The following EPS8L1 variants were observed in gnomAD, a reference collection of about 807,000 sequenced individuals.
EPS8L1 encodes the protein epidermal growth factor receptor kinase substrate 8-like protein 1.
A neutral mutation model predicts 91.7 loss-of-function variants in EPS8L1; 101 were observed. The observed-to-expected ratio is 1.10, with a 90% CI of 0.94 to 1.30. EPS8L1 has a LOEUF of 1.30. EPS8L1 is among the 50% of genes most tolerant of loss of function. The probability of loss-of-function intolerance (pLI) is 0.00; values close to 1 mark genes in which losing one functional copy is unlikely to be tolerated. For missense variants in EPS8L1, 1,114 were observed against 1,017.0 expected, an observed-to-expected ratio of 1.10 and a Z score of -1.30; for synonymous variants, 506 against 445.3, an observed-to-expected ratio of 1.14 and a Z score of -1.72.
At chr19:55,076,119 C>G (rs561368980) in intron 1 of EPS8L1, among the ~76,000 whole-genome samples, 200 bp downstream of exon 1, 1 of 115,462 alleles carries the variant, frequency 8.7e-6, no homozygotes, top group East Asian at 2.3e-4. Context: ...ACTCCTGGGT[C>G]TGAGGGAGGA....
chr19:55,083,068 CAG>C lies in EPS8L1; in HGVS notation c.1215-300_1215-299del, dbSNP rs1028471286. Among the ~76,000 whole-genome samples the C allele has an allele frequency of 6.6e-6, 1 of 152,032 alleles. No individual in the cohort carries two copies. The highest frequency in any genetic ancestry group is 1.5e-5 in the Non-Finnish European group (1 of 68,004). The stretch of plus-strand genomic sequence containing the variant: ...GAGGCTGGATAAGGCAATTTTTTTC[CAG>C]AGAGAGAGATGGATGGGGTCTCAAT... On this transcript the variant is annotated intron_variant, in intron 12 of 19. Coordinates refer to ENST00000201647, the MANE Select transcript of EPS8L1 (RefSeq NM_133180.3). This position sits in a 1 kb window ranked among gnomAD's most constrained non-coding sequence, Gnocchi z 4.7.
intron 11 of EPS8L1, 33 bp downstream of exon 11, chr19:55,082,382 G>T: frequency 6.2e-7 from 1 of 1,612,534 alleles, no homozygotes; most frequent in Non-Finnish European, 8.5e-7. Flanking sequence ...GGGCCCCCCT[G>T]CAGCGGGAGG....
Position 55,079,888 on chromosome 19 carries a change from G to A in EPS8L1, c.279+37G>A, listed in dbSNP as rs755703244. 7.6e-6 allele frequency: 12 copies of A among 1,577,414 alleles called. No homozygotes were observed. The South Asian group carries it at 1.3e-4, about 17-fold the overall frequency. On this transcript the variant is annotated intron_variant, in intron 5 of 19. Coordinates refer to ENST00000201647, the MANE Select transcript of EPS8L1 (RefSeq NM_133180.3). ...CACGTGGGTGGGAGGAGTGTCTGGG[G>A]CAGGGACTTCAGGGGGTCTGGGTGT...
intron 14 of EPS8L1, chr19:55,084,212 G>A (rs2076333514): frequency 5.7e-6 from 1 of 174,562 alleles, no homozygotes; most frequent in Admixed American, 5.5e-5. Context: ...AAGGCTGGAC[G>A]ATTAAACTCT....
Position 55,086,420 on chromosome 19 carries a change from C to A in EPS8L1, c.1679C>A (p.Pro560Gln). 1 of 1,560,612 alleles carries A rather than the reference C, an allele frequency of 6.4e-7. No individual in the cohort carries two copies. The highest frequency in any genetic ancestry group is 1.4e-5 in the African/African-American group (1 of 73,868). Reference protein sequence around the residue: ...LNSTPPPPPAPAPAPPPALAR... With the variant: ...LNSTPPPPPAQAPAPPPALAR... ...AGCACTCCTCCTCCACCACCAGCCCCAGCCCCGGCCCCACCTCCAGCTCTG... is the reference window on the plus strand; with the variant it reads ...AGCACTCCTCCTCCACCACCAGCCCAAGCCCCGGCCCCACCTCCAGCTCTG... Residue 560 changes from proline (P) to glutamine (Q), a missense_variant, in exon 17 of 20, where the codon CCA becomes CAA. Physicochemically the swap from Pro to Gln is moderately conservative, Grantham distance 76 (BLOSUM62 -1). Coordinates refer to ENST00000201647, the MANE Select transcript of EPS8L1 (RefSeq NM_133180.3).
chr19:55,087,450 T>G lies in EPS8L1; in HGVS notation c.2085+15T>G. The stretch of plus-strand genomic sequence containing the variant: ...CGCTGCTGGAGGTGAGCCGGACCGC[T>G]GGTCCCTGGGTCTGGGTAGGGTTGG... On this transcript the variant is annotated intron_variant, in intron 19 of 19. Coordinates refer to ENST00000201647, the MANE Select transcript of EPS8L1 (RefSeq NM_133180.3). 1 of 1,614,138 alleles carries G rather than the reference T, an allele frequency of 6.2e-7. No homozygotes were observed. The highest frequency in any genetic ancestry group is 8.5e-7 in the Non-Finnish European group (1 of 1,180,000).
intron 12 of EPS8L1, among the ~76,000 whole-genome samples, chr19:55,082,885 C>A (rs1191602532): frequency 9.9e-6 from 1 of 100,930 alleles, no homozygotes; most frequent in Non-Finnish European, 2.0e-5. Flanking sequence ...GGGGCAGGGG[C>A]GGGGCTACGC....
chr19:55,085,760 C>G (rs977565754), intron 14 of EPS8L1, 81 bp from the exon 15 acceptor site: 18 of 1,525,824 alleles, frequency 1.2e-5, no homozygotes, highest in Non-Finnish European at 1.6e-5. Context: ...TGGCTCTAAC[C>G]CCAGCTCACA....
Position 55,087,781 on chromosome 19 carries a change from C to A in EPS8L1, c.*167C>A. 1 of 723,334 alleles carries A rather than the reference C, an allele frequency of 1.4e-6. No individual in the cohort carries two copies. Among genetic ancestry groups the A allele is most frequent in the Non-Finnish European group, 2.4e-6 (1 of 423,960 alleles). 44.8% of individuals were successfully genotyped at this position (723,334 alleles called of 1,614,324 possible). ...CTTAACGATCCTTGCTGCAGTCCCT[C>A]CGGAGAGGATCTGGACTGGCTGGGA... On this transcript the variant is annotated 3_prime_UTR_variant, in exon 20 of 20. Coordinates refer to ENST00000201647, the MANE Select transcript of EPS8L1 (RefSeq NM_133180.3).
chr19:55,078,192 TC>T, intron 3 of EPS8L1, 64 bp downstream of exon 3: 1 of 1,519,196 alleles, frequency 6.6e-7, no homozygotes, highest in Non-Finnish European at 9.0e-7. Context: ...GGACCTGGCA[TC>T]CAGGGTCTTG....
At chr19:55,087,096 T>C in intron 18 of EPS8L1, 1 of 1,064,062 alleles carries the variant, frequency 9.4e-7, no homozygotes, top group Non-Finnish European at 1.3e-6. Context: ...CTTAGGGAAA[T>C]CCCGTACCCT....
At chr19:55,077,932 C>CAACAAT (rs2076163436) in intron 2 of EPS8L1, among the ~76,000 whole-genome samples, 156 bp from the exon 3 acceptor site, 1 of 126,288 alleles carries the variant, frequency 7.9e-6, no homozygotes, top group Non-Finnish European at 1.8e-5. Flanking sequence ...CTCTCCTGCT[C>CAACAAT]AATAATAATA....
chr19:55,086,629 T>C, intron 17 of EPS8L1, 85 bp from the exon 18 acceptor site: 1 of 1,495,490 alleles, frequency 6.7e-7, no homozygotes, highest in Non-Finnish European at 9.0e-7. Flanking sequence ...CTGGGGACGC[T>C]GGAGCGCCCC....
intron 14 of EPS8L1, among the ~76,000 whole-genome samples, chr19:55,085,180 G>GT (rs111922657): frequency 0.024 from 3,662 of 152,292 alleles, 122 homozygotes; most frequent in African/African-American, 0.083. Flanking sequence ...GGTAGCTATT[G>GT]TTTTTTGAGA....
At chr19:55,086,636 C>CCCCCCCCCCCCCCCCCATG in intron 17 of EPS8L1, 78 bp from the exon 18 acceptor site, 1 of 956,960 alleles carries the variant, frequency 1.0e-6, no homozygotes, top group Non-Finnish European at 1.4e-6. Flanking sequence ...CGCTGGAGCG[C>CCCCCCCCCCCCCCCCCATG]CCCCCCGCCC....
At chr19:55,086,636 C>CCCCCCCCCCCCCCCCCCCACTGG in intron 17 of EPS8L1, 78 bp from the exon 18 acceptor site, 1 of 956,964 alleles carries the variant, frequency 1.0e-6, no homozygotes, top group Non-Finnish European at 1.4e-6. Flanking sequence ...CGCTGGAGCG[C>CCCCCCCCCCCCCCCCCCCACTGG]CCCCCCGCCC....
At chr19:55,087,139 G>A (rs2076361434) in intron 18 of EPS8L1, 164 bp from the exon 19 acceptor site, 1 of 1,183,356 alleles carries the variant, frequency 8.5e-7, no homozygotes. Context: ...CCCCCCGGGT[G>A]GCAACATTGT....
chr19:55,081,028 C>A lies in EPS8L1; in HGVS notation c.512+174C>A. 3.3e-6 allele frequency: 3 copies of A among 916,464 alleles called. No homozygotes were observed. The South Asian group carries it at 5.3e-5, about 16-fold the overall frequency. 56.8% of individuals were successfully genotyped at this position (916,464 alleles called of 1,614,324 possible). ...TGACCCCTTCTCCAGAACTCTGCTTCTTTTCTCTGTTCCCTGTCCAGGCCC... is the reference window on the plus strand; with the variant it reads ...TGACCCCTTCTCCAGAACTCTGCTTATTTTCTCTGTTCCCTGTCCAGGCCC... On this transcript the variant is annotated intron_variant, in intron 7 of 19. Transcript: ENST00000201647. The surrounding 1 kb of genome is among the most constrained non-coding windows in gnomAD (Gnocchi z 4.9).
intron 6 of EPS8L1, chr19:55,080,507 G>A: frequency 6.2e-7 from 1 of 1,613,682 alleles, no homozygotes; most frequent in South Asian, 1.1e-5. Context: ...AACAGAACAT[G>A]GCCAAGAAGG....
Sources: gnomAD v4.1 joint callset for allele counts (sites outside exome capture counted in the v4.1 genomes callset) on GRCh38, gnomAD v4.1.1 for gene constraint, Gnocchi (gnomAD v3.1) non-coding constraint, MANE v1.5 for transcripts, NCBI Gene and HGNC (gene_info 2026-07-23, HGNC 2026-07-21) for gene names.